SYNE3: variants seen among roughly 807,000 people sequenced by gnomAD.
The protein encoded by SYNE3 is nesprin-3.
SYNE3 carries 100 observed loss-of-function variants against 111.2 expected under a neutral mutation model. The observed-to-expected ratio is 0.90, with a 90% CI of 0.77 to 1.06. The LOEUF is 1.06. SYNE3 is among the 50% of genes least tolerant of loss of function. The pLI is 0.00. For missense variants in SYNE3, 1,160 were observed against 1,240.3 expected, an observed-to-expected ratio of 0.94 and a Z score of 0.97; for synonymous variants, 547 against 533.9, an observed-to-expected ratio of 1.02 and a Z score of -0.34.
chr14:95,441,321 C>G (rs1886402219), intron 11 of SYNE3, among the ~76,000 whole-genome samples: 1 of 150,790 alleles, frequency 6.6e-6, no homozygotes, highest in Non-Finnish European at 1.5e-5. Context: ...TGAGTTGTCC[C>G]TACCACTGTC....
rs181551890 is a variant in SYNE3 at position 95,408,688 on chromosome 14, G to A, written c.*9138C>T. On this transcript the variant is annotated 3_prime_UTR_variant, in exon 18 of 18. Coordinates refer to ENST00000682763, the MANE Select transcript of SYNE3 (RefSeq NM_152592.6). ...ACTCACACATGCTATGCTCACATAC[G>A]CGTGCATCCCTCCCACCCTGCCCAC... The A allele has an allele frequency of 2.4e-4, 54 of 222,838 alleles. No individual in the cohort carries two copies. The highest frequency in any genetic ancestry group is 1.1e-3 in the African/African-American group (51 of 44,498). The allele number at this position is 222,838 out of a possible 1,614,324, so 13.8% of individuals were successfully genotyped here.
chr14:95,428,217 A>C (rs1381335430), intron 17 of SYNE3, among the ~76,000 whole-genome samples: 1 of 152,180 alleles, frequency 6.6e-6, no homozygotes, highest in Non-Finnish European at 1.5e-5. Context: ...CAAGAGTTTG[A>C]ACCACACAGG....
At chr14:95,507,118 C>G (rs1890557032) in intron 1 of SYNE3, among the ~76,000 whole-genome samples, 1 of 152,230 alleles carries the variant, frequency 6.6e-6, no homozygotes, top group African/African-American at 2.4e-5. Context: ...CCCAGAAAGA[C>G]TGTGCCTCTG....
Position 95,455,610 on chromosome 14 carries a change from G to A in SYNE3, c.904C>T (p.Leu302=), listed in dbSNP as rs1276224632. The change falls in exon 6 of 18, where the codon CTG becomes TTG. Residue 302 remains leucine, a synonymous_variant. Transcript: ENST00000682763. ...TCCAGAACTTTCCTCATCTCTTCCA[G>A]TTCTCCGGTGATCTTCTCTGCACCC... ...PLGAEKITGE[L]EEMRKVLEKL... 1.1e-5 allele frequency: 18 copies of A among 1,614,056 alleles called. No homozygotes were observed. Among genetic ancestry groups the A allele is most frequent in the Non-Finnish European group, 1.4e-5 (17 of 1,180,042 alleles).
At chr14:95,504,819 TA>T (rs869048171) in intron 1 of SYNE3, among the ~76,000 whole-genome samples, 1 of 116,748 alleles carries the variant, frequency 8.6e-6, no homozygotes, top group African/African-American at 3.8e-5. Flanking sequence ...CACCTCTATC[TA>T]AAAAAAAAGA....
chr14:95,450,141 G>A, intron 7 of SYNE3, 36 bp from the exon 8 acceptor site: 1 of 1,552,042 alleles, frequency 6.4e-7, no homozygotes, highest in Non-Finnish European at 8.7e-7. Context: ...TGAGGGAGGA[G>A]AGAGAGTGGG....
intron 1 of SYNE3, among the ~76,000 whole-genome samples, chr14:95,487,245 A>C (rs922145519): frequency 6.6e-6 from 1 of 152,154 alleles, no homozygotes; most frequent in Admixed American, 6.5e-5. Context: ...GCCATTTATG[A>C]CATGTTTACT....
chr14:95,452,510 G>A, intron 6 of SYNE3, 127 bp from the exon 7 acceptor site: 2 of 1,262,142 alleles, frequency 1.6e-6, no homozygotes, highest in Non-Finnish European at 2.1e-6. Flanking sequence ...CCAGGGGCAG[G>A]AACTGGGGCC....
At position 95,415,182 on chromosome 14, in the gene SYNE3, G is replaced by C. The variant is rs1595164798; in HGVS notation, c.*2644C>G. On this transcript the variant is annotated 3_prime_UTR_variant, in exon 18 of 18. Coordinates refer to ENST00000682763, the MANE Select transcript of SYNE3 (RefSeq NM_152592.6). ...TGGTGGCCAGTTGGGCTCTGGCCTT[G>C]CTGCCTCTCACTGTGTGGCCATGGA... 1 of 152,226 alleles carries C rather than the reference G, an allele frequency of 6.6e-6. No individual in the cohort carries two copies. The highest frequency in any genetic ancestry group is 1.5e-5 in the Non-Finnish European group (1 of 68,072). The allele number at this position is 152,226 out of a possible 1,614,324, so 9.4% of individuals were successfully genotyped here.
At chr14:95,447,426 G>A (rs1268274479) in intron 8 of SYNE3, among the ~76,000 whole-genome samples, 4 of 152,134 alleles carry the variant, frequency 2.6e-5, no homozygotes, top group East Asian at 3.9e-4. Flanking sequence ...GTGAGCCACC[G>A]TGCCCAGCCA....
At chr14:95,461,819 T>G (rs999683) in intron 4 of SYNE3, among the ~76,000 whole-genome samples, 17,613 of 152,238 alleles carry the variant, frequency 0.12, 1,207 homozygotes, top group African/African-American at 0.19. Flanking sequence ...TTCATCAAGC[T>G]TTCAGAGCAG....
chr14:95,449,859 G>C (rs1886953762), intron 8 of SYNE3, 72 bp downstream of exon 8: 1 of 1,512,120 alleles, frequency 6.6e-7, no homozygotes, highest in African/African-American at 1.4e-5. Context: ...CTTCCCCTGG[G>C]AGAGAGACTG....
chr14:95,455,995 A>C (rs1315551553), intron 5 of SYNE3: 1 of 446,870 alleles, frequency 2.2e-6, no homozygotes, highest in Non-Finnish European at 3.9e-6. Flanking sequence ...TGTCTTGAAC[A>C]CTTTCTGACA....
intron 1 of SYNE3, among the ~76,000 whole-genome samples, chr14:95,481,156 C>A (rs1176984097): frequency 1.3e-5 from 2 of 152,236 alleles, no homozygotes; most frequent in Non-Finnish European, 2.9e-5. Flanking sequence ...CAGTCACTGG[C>A]CCAGGACATG....
At chr14:95,429,801 G>A in intron 17 of SYNE3, 1 of 388,282 alleles carries the variant, frequency 2.6e-6, no homozygotes, top group Non-Finnish European at 3.5e-6. Flanking sequence ...CACAAGTGGT[G>A]TGACCTTCAG....
intron 1 of SYNE3, among the ~76,000 whole-genome samples, chr14:95,509,345 G>A (rs1890641946): frequency 6.6e-6 from 1 of 152,168 alleles, no homozygotes; most frequent in Non-Finnish European, 1.5e-5. Flanking sequence ...GGCCCAGGTT[G>A]TAGAAAGCTG....
intron 17 of SYNE3, among the ~76,000 whole-genome samples, chr14:95,424,543 G>A (rs1438200324): frequency 6.6e-6 from 1 of 152,210 alleles, no homozygotes; most frequent in Non-Finnish European, 1.5e-5. Context: ...ACAGGGAGAA[G>A]CCTCTCTAAG....
intron 4 of SYNE3, among the ~76,000 whole-genome samples, chr14:95,458,865 C>A (rs1887623682): frequency 6.6e-6 from 1 of 152,218 alleles, no homozygotes; most frequent in Admixed American, 6.5e-5. Flanking sequence ...AAAGGAGACT[C>A]ATTTAATAAG....
rs773182419 is a variant in SYNE3 at position 95,439,743 on chromosome 14, G to C, written c.2115C>G (p.Ser705=). ...CCAGCCAGCCCTGCGCTTCCACCAG[G>C]GACAGCTGGGCCTCCTTCTCCGGGA... ...AEFPEKEAQL[S]LVEAQGWLVM... is the part of the protein sequence containing the mutation. Residue 705 remains serine, a synonymous_variant, in exon 13 of 18, where the codon TCC becomes TCG. Coordinates refer to ENST00000682763, the MANE Select transcript of SYNE3 (RefSeq NM_152592.6). 17 of 1,613,800 alleles carry C rather than the reference G, an allele frequency of 1.1e-5. No homozygotes were observed. In the East Asian group the frequency reaches 3.6e-4, roughly 34 times the overall value.
Sources: allele counts gnomAD v4.1 joint callset (sites outside exome capture counted in the v4.1 genomes callset), GRCh38; gene constraint gnomAD v4.1.1; transcripts MANE v1.5; gene names NCBI Gene and HGNC (gene_info 2026-07-23, HGNC 2026-07-21).